The following CFAP251 variants were observed in gnomAD, a reference collection of about 807,000 sequenced individuals.
CFAP251 encodes cilia and flagella associated protein 251.
Under a neutral mutation model 126.7 loss-of-function variants are expected in CFAP251, and 93 were observed. The ratio of observed to expected loss-of-function variants is 0.73; its 90% confidence interval spans 0.62 to 0.87. The LOEUF is 0.87. Ranked by LOEUF, CFAP251 falls within the 40% of genes least tolerant of loss-of-function variation. The probability of loss-of-function intolerance (pLI) is 0.00; values close to 1 mark genes in which losing one functional copy is unlikely to be tolerated. For synonymous variants in CFAP251, 503 were observed against 506.9 expected, an observed-to-expected ratio of 0.99 and a Z score of 0.10; for missense variants, 1,287 against 1,389.2, an observed-to-expected ratio of 0.93 and a Z score of 1.17.
intron 5 of CFAP251, among the ~76,000 whole-genome samples, chr12:121,935,172 G>A (rs1880842822): frequency 3.3e-5 from 5 of 152,102 alleles, no homozygotes; most frequent in Non-Finnish European, 7.3e-5. Flanking sequence ...TTCCAGGCTG[G>A]TCTTGAACTC....
intron 17 of CFAP251, chr12:121,969,818 G>A (rs1345562037): frequency 8.1e-6 from 8 of 985,298 alleles, no homozygotes; most frequent in African/African-American, 1.7e-5. Context: ...CTCAGTCGTC[G>A]TGGGATCTGG....
intron 5 of CFAP251, among the ~76,000 whole-genome samples, chr12:121,941,700 A>G (rs1198837867): frequency 1.3e-5 from 2 of 152,040 alleles, no homozygotes; most frequent in African/African-American, 4.8e-5. Flanking sequence ...ATATTAAGGG[A>G]CATTTGTGTT....
intron 3 of CFAP251, among the ~76,000 whole-genome samples, chr12:121,924,624 A>G (rs1565901227): frequency 6.8e-6 from 1 of 147,942 alleles, no homozygotes; most frequent in Non-Finnish European, 1.5e-5. Flanking sequence ...TAGAGATGGG[A>G]TTTCACCATG....
chr12:121,942,872 C>A, intron 6 of CFAP251, 23 bp from the exon 7 acceptor site: 2 of 1,613,198 alleles, frequency 1.2e-6, no homozygotes, highest in South Asian at 1.1e-5. Context: ...TTCTCATGCC[C>A]CTCTCTCTAC....
intron 9 of CFAP251, among the ~76,000 whole-genome samples, chr12:121,952,020 C>A (rs937230400): frequency 6.6e-6 from 1 of 151,856 alleles, no homozygotes; most frequent in South Asian, 2.1e-4. Context: ...CTGCACCTGG[C>A]CCTAATAAAA....
intron 5 of CFAP251, among the ~76,000 whole-genome samples, chr12:121,938,626 G>A (rs763065164): frequency 1.0e-4 from 15 of 146,806 alleles, no homozygotes; most frequent in Middle Eastern, 3.4e-3. Flanking sequence ...CACCATGCCC[G>A]GCTCATCTGT....
At chr12:121,964,083 A>G (rs1015995839) in intron 15 of CFAP251, among the ~76,000 whole-genome samples, 1 of 152,154 alleles carries the variant, frequency 6.6e-6, no homozygotes, top group Non-Finnish European at 1.5e-5. Flanking sequence ...CTTGAAGACT[A>G]TCATGGTTTT....
intron 7 of CFAP251, among the ~76,000 whole-genome samples, chr12:121,944,181 C>T (rs751872650): frequency 1.3e-5 from 2 of 152,186 alleles, no homozygotes; most frequent in African/African-American, 2.4e-5. Flanking sequence ...CTGTTCTGTG[C>T]CAGGCACTGT....
intron 19 of CFAP251, among the ~76,000 whole-genome samples, chr12:121,981,725 T>C (rs1565921476): frequency 6.6e-6 from 1 of 151,932 alleles, no homozygotes; most frequent in Non-Finnish European, 1.5e-5. Context: ...GGGTGAGGAG[T>C]ATTCCGGCAG....
chr12:121,972,390 T>C (rs1302930843), intron 17 of CFAP251, among the ~76,000 whole-genome samples: 1 of 152,238 alleles, frequency 6.6e-6, no homozygotes, highest in African/African-American at 2.4e-5. Flanking sequence ...AGTGATTCTG[T>C]TATGTTTTAG....
At chr12:121,969,192 T>C in intron 17 of CFAP251, 1 of 985,362 alleles carries the variant, frequency 1.0e-6, no homozygotes, top group Non-Finnish European at 1.2e-6. Context: ...ATCTTTCTTT[T>C]TATGGCAGAT....
chr12:121,968,703 C>T (rs1385727197), intron 17 of CFAP251, among the ~76,000 whole-genome samples: 5 of 152,104 alleles, frequency 3.3e-5, no homozygotes, highest in East Asian at 1.9e-4. Context: ...AGCTTCTTAA[C>T]GTCCCTGATC....
intron 20 of CFAP251, among the ~76,000 whole-genome samples, chr12:122,000,723 A>T (rs1883129773): frequency 6.6e-6 from 1 of 152,108 alleles, no homozygotes; most frequent in African/African-American, 2.4e-5. Context: ...ATCTTAGTCC[A>T]AGTGGGTGGT....
At chr12:121,957,332 G>A in intron 11 of CFAP251, 64 bp downstream of exon 11, 4 of 1,479,928 alleles carry the variant, frequency 2.7e-6, no homozygotes, top group Admixed American at 2.0e-5. Flanking sequence ...TCTTTAGTTT[G>A]CATACAGTGG....
At chr12:121,978,949 T>C (rs192219254) in intron 19 of CFAP251, among the ~76,000 whole-genome samples, 1 of 152,310 alleles carries the variant, frequency 6.6e-6, no homozygotes, top group East Asian at 1.9e-4. Flanking sequence ...GCTAACCTAC[T>C]TTCCATAAAT....
At chr12:121,969,711 C>T (rs1882270983) in intron 17 of CFAP251, 15 of 965,774 alleles carry the variant, frequency 1.6e-5, no homozygotes, top group Non-Finnish European at 1.8e-5. Context: ...TGGTCTTGAA[C>T]TCATGGGCTC....
chr12:121,949,017 G>T lies in CFAP251; in HGVS notation c.1225G>T (p.Glu409Ter). The change falls in exon 8 of 22, where the codon GAA becomes TAA. Residue 409 changes from glutamate to a stop codon, truncating the protein, a stop_gained. Coordinates refer to ENST00000288912, the MANE Select transcript of CFAP251 (RefSeq NM_144668.6). LOFTEE classifies it high-confidence loss of function. Reference sequence around the variant, plus strand: ...TACTTTTAACCCAACAAATAATAAAGAATTGGTGAGCAATAGTAAAACACG... The same window carrying T: ...TACTTTTAACCCAACAAATAATAAATAATTGGTGAGCAATAGTAAAACACG... Reference protein sequence around the residue: ...YVTFNPTNNKELVSNSKTRAI... With the variant: ...YVTFNPTNNK The T allele has an allele frequency of 6.3e-7, 1 of 1,586,976 alleles. No individual in the cohort carries two copies. The highest frequency in any genetic ancestry group is 8.6e-7 in the Non-Finnish European group (1 of 1,166,504).
At chr12:121,966,110 A>T (rs1270556660) in intron 15 of CFAP251, among the ~76,000 whole-genome samples, 7 of 143,346 alleles carry the variant, frequency 4.9e-5, no homozygotes. Flanking sequence ...CTTAAAACCT[A>T]TGTTGAGATT....
intron 17 of CFAP251, among the ~76,000 whole-genome samples, chr12:121,968,400 G>A (rs1882222734): frequency 6.6e-6 from 1 of 152,156 alleles, no homozygotes; most frequent in South Asian, 2.1e-4. Context: ...AGCACCTTGG[G>A]CTCACCCCTG....
Sources: gnomAD v4.1 joint callset for allele counts (sites outside exome capture counted in the v4.1 genomes callset) on GRCh38, gnomAD v4.1.1 for gene constraint, MANE v1.5 for transcripts, NCBI Gene and HGNC (gene_info 2026-07-23, HGNC 2026-07-21) for gene names.